Variants in ZBTB1 observed in about 807,000 individuals in gnomAD.
ZBTB1 encodes zinc finger and BTB domain-containing protein 1.
Under a neutral mutation model 51.6 loss-of-function variants are expected in ZBTB1, and 13 were observed. The observed-to-expected ratio is 0.25, with a 90% CI of 0.16 to 0.40. ZBTB1 has a LOEUF of 0.40. Ranked by LOEUF, ZBTB1 falls within the 10% of genes least tolerant of loss-of-function variation. ZBTB1 has a pLI of 1.00. For synonymous variants in ZBTB1, 240 were observed against 282.2 expected (o/e 0.85, Z 1.50); for missense variants, 567 against 856.5 (o/e 0.66, Z 4.22).
At position 64,522,322 on chromosome 14, in the gene ZBTB1, C is replaced by G; in HGVS notation, c.818C>G (p.Ser273Cys). 6.2e-7 allele frequency: 1 copy of G among 1,614,100 alleles called. No individual in the cohort carries two copies. The highest frequency in any genetic ancestry group is 1.7e-4 in the Middle Eastern group (1 of 6,060). ...AAAGCTGAATTTGGTGAAAAAGATTCTTCCAAAACATTTTCTGCACAGACG... is the reference window on the plus strand; with the variant it reads ...AAAGCTGAATTTGGTGAAAAAGATTGTTCCAAAACATTTTCTGCACAGACG... ...NIKAEFGEKD[S>C]SKTFSAQTDK... The change falls in exon 2 of 2, where the codon TCT (serine) becomes TGT (cysteine). Residue 273 changes from serine to cysteine, a missense_variant. This residue lies in a region of ZBTB1 where 329 missense variants were observed against 406.3 expected (regional missense o/e 0.81). Transcript: ENST00000683701.
At chr14:64,503,900 C>T (rs1330176817), upstream of ZBTB1, 1 of 152,216 alleles carries the variant, frequency 6.6e-6, no homozygotes, top group Non-Finnish European at 1.5e-5. Context: ...CTCCCGCCCG[C>T]CCGCCTCAGT....
In ZBTB1 at chr14:64,521,887, C is replaced by G. The variant is rs751692094; in HGVS notation, c.383C>G (p.Ser128Cys). 1 of 1,613,756 alleles carries G rather than the reference C, an allele frequency of 6.2e-7. No homozygotes were observed. Among genetic ancestry groups the G allele is most frequent in the African/African-American group, 1.3e-5 (1 of 75,048 alleles). Residue 128 changes from serine (S) to cysteine (C), a missense_variant, in exon 2 of 2, where the codon TCT (serine) becomes TGT (cysteine). Transcript: ENST00000683701. ...DADCSSSKCSSSASSKQNSKM... is the reference protein window; with the variant it reads ...DADCSSSKCSCSASSKQNSKM... ...GATTGTTCTAGTTCAAAATGTTCCTCTTCTGCTTCCAGCAAACAGAACAGC... is the reference window on the plus strand; with the variant it reads ...GATTGTTCTAGTTCAAAATGTTCCTGTTCTGCTTCCAGCAAACAGAACAGC...
rs1409642790 is a variant in ZBTB1 at position 64,522,936 on chromosome 14, A to G, written c.1432A>G (p.Met478Val). Reference sequence around the variant, plus strand: ...ATGTGGCGAGCCCCAAGATCTGACCATGAATGGGTTAGGAAATACTGAGGA... The same window carrying G: ...ATGTGGCGAGCCCCAAGATCTGACCGTGAATGGGTTAGGAAATACTGAGGA... ...QRCGEPQDLT[M>V]NGLGNTEEKM... Residue 478 changes from methionine (M) to valine (V), a missense_variant, in exon 2 of 2, where the codon ATG (methionine) becomes GTG (valine). Physicochemically the swap from Met to Val is conservative, Grantham distance 21 (BLOSUM62 1). Coordinates refer to ENST00000683701, the MANE Select transcript of ZBTB1 (RefSeq NM_001123329.2). 1.9e-6 allele frequency: 3 copies of G among 1,614,244 alleles called. No individual in the cohort carries two copies. Among genetic ancestry groups the G allele is most frequent in the East Asian group, 2.2e-5 (1 of 44,890 alleles).
At chr14:64,509,506 G>A (rs1458835412) in intron 1 of ZBTB1, among the ~76,000 whole-genome samples, 1 of 152,168 alleles carries the variant, frequency 6.6e-6, no homozygotes, top group Non-Finnish European at 1.5e-5. Context: ...GAATCTTAAA[G>A]CTTAAAAATG....
intron 1 of ZBTB1, among the ~76,000 whole-genome samples, chr14:64,518,904 GTATATA>G (rs71123855): frequency 0.073 from 6,915 of 95,096 alleles, 391 homozygotes; most frequent in Non-Finnish European, 0.089. Context: ...TTGCAGAGAG[GTATATA>G]TATATATATA....
chr14:64,506,964 C>T (rs1418781049), intron 1 of ZBTB1, among the ~76,000 whole-genome samples: 2 of 152,176 alleles, frequency 1.3e-5, no homozygotes, highest in Non-Finnish European at 2.9e-5. Flanking sequence ...TTGCCAGGCT[C>T]TGGGGAAGAT....
exon 3 of ZBTB1, chr14:64,531,941 A>G (rs368672917): frequency 6.2e-7 from 1 of 1,609,008 alleles, no homozygotes; most frequent in Non-Finnish European, 8.5e-7. Flanking sequence ...TCAATCTTCA[A>G]CAGATAATCT....
downstream of ZBTB1, among the ~76,000 whole-genome samples, chr14:64,528,344 C>CTTTTTTTTTTTTTTTTTTTTTTCTTTTT (rs71123857): frequency 8.7e-6 from 1 of 115,532 alleles, no homozygotes; most frequent in African/African-American, 3.5e-5. Flanking sequence ...TTTTTCTTTT[C>CTTTTTTTTTTTTTTTTTTTTTTCTTTTT]TTTTTTTTTT....
chr14:64,517,781 A>ATATATTTTTTTTTT (rs1160337478), intron 1 of ZBTB1, among the ~76,000 whole-genome samples: 14 of 41,562 alleles, frequency 3.4e-4, no homozygotes, highest in South Asian at 7.9e-4. Flanking sequence ...ATATATATAT[A>ATATATTTTTTTTTT]TTTTTTTTTT....
intron 1 of ZBTB1, among the ~76,000 whole-genome samples, chr14:64,512,606 A>T (rs2079736806): frequency 6.6e-6 from 1 of 152,214 alleles, no homozygotes; most frequent in Admixed American, 6.5e-5. Flanking sequence ...AATTAAAAAT[A>T]AAGTTTTAGG....
chr14:64,532,238 AAG>A (rs1364577294), exon 3 of ZBTB1: 2 of 177,612 alleles, frequency 1.1e-5, no homozygotes, highest in African/African-American at 4.7e-5. Context: ...TCTAAAATAA[AAG>A]GGGTTGTTAG....
intron 1 of ZBTB1, among the ~76,000 whole-genome samples, chr14:64,516,348 A>T (rs1442225830): frequency 6.6e-6 from 1 of 152,248 alleles, no homozygotes; most frequent in Non-Finnish European, 1.5e-5. Context: ...AATGATTGCT[A>T]TTATAAGTTA....
upstream of ZBTB1, chr14:64,504,368 C>G (rs981467323): frequency 1.3e-5 from 2 of 150,824 alleles, no homozygotes; most frequent in African/African-American, 4.8e-5. Flanking sequence ...GCCCAACGGG[C>G]AGGGGTCTGA....
chr14:64,513,979 C>T (rs2079753716), intron 1 of ZBTB1, among the ~76,000 whole-genome samples: 2 of 152,144 alleles, frequency 1.3e-5, no homozygotes, highest in Non-Finnish European at 2.9e-5. Context: ...TTATTAAACT[C>T]CTCAAATTGT....
intron 1 of ZBTB1, among the ~76,000 whole-genome samples, chr14:64,517,760 TATATATATATATA>T (rs2079802924): frequency 1.5e-4 from 3 of 19,392 alleles, no homozygotes; most frequent in African/African-American, 3.3e-4. Flanking sequence ...TTTAGAAATA[TATATATATATATA>T]TATATATATT....
intron 1 of ZBTB1, among the ~76,000 whole-genome samples, chr14:64,517,769 ATATATATATATATTTTTTTT>A (rs2079803261): frequency 3.0e-5 from 2 of 65,930 alleles, no homozygotes; most frequent in South Asian, 1.1e-3. Flanking sequence ...ATATATATAT[ATATATATATATATTTTTTTT>A]TTTTTTTTTT....
chr14:64,521,767 T>C lies in ZBTB1; in HGVS notation c.263T>C (p.Met88Thr). 1 of 1,612,580 alleles carries C rather than the reference T, an allele frequency of 6.2e-7. No individual in the cohort carries two copies. The highest frequency in any genetic ancestry group is 1.1e-5 in the South Asian group (1 of 91,090). Residue 88 changes from methionine to threonine, a missense_variant, in exon 2 of 2, where the codon ATG (methionine) becomes ACG (threonine). This residue lies in a region of ZBTB1 where 69 missense variants were observed against 136.4 expected (regional missense o/e 0.51). Transcript: ENST00000683701. ...CAGTTTATGTATTTAGGAAAAATTATGACAGCTCCCTCCAGTTTTGAGCAG... is the reference window on the plus strand; with the variant it reads ...CAGTTTATGTATTTAGGAAAAATTACGACAGCTCCCTCCAGTTTTGAGCAG... Reference protein sequence around the residue: ...ILQFMYLGKIMTAPSSFEQFK... With the variant: ...ILQFMYLGKITTAPSSFEQFK...
At chr14:64,508,219 G>C (rs1373896939) in intron 1 of ZBTB1, among the ~76,000 whole-genome samples, 1 of 152,182 alleles carries the variant, frequency 6.6e-6, no homozygotes, top group Non-Finnish European at 1.5e-5. Context: ...CTCTGTCTTT[G>C]AATTTAAAAT....
In ZBTB1 at chr14:64,523,019, T is replaced by C. The variant is rs775334032; in HGVS notation, c.1515T>C (p.Val505=). ...DEQSEIRDMF[V]EMLDDFRDNH... ...AGTCCGAAATAAGAGATATGTTTGT[T>C]GAAATGCTGGATGATTTTAGGGACA... Residue 505 remains valine (V), a synonymous_variant, in exon 2 of 2, where the codon GTT becomes GTC. Coordinates refer to ENST00000683701, the MANE Select transcript of ZBTB1 (RefSeq NM_001123329.2). This position sits in a 1 kb window ranked among gnomAD's most constrained non-coding sequence, Gnocchi z 4.5. 6.8e-6 allele frequency: 11 copies of C among 1,614,096 alleles called. No homozygotes were observed. The South Asian group carries it at 1.2e-4, about 18-fold the overall frequency.
Sources: allele counts gnomAD v4.1 joint callset (sites outside exome capture counted in the v4.1 genomes callset), GRCh38; gene constraint gnomAD v4.1.1; regional missense constraint gnomAD v4.1.1; non-coding constraint Gnocchi (gnomAD v3.1); transcripts MANE v1.5; gene names NCBI Gene and HGNC (gene_info 2026-07-23, HGNC 2026-07-21).